The following UBAC2 variants were observed in gnomAD, a reference collection of about 807,000 sequenced individuals.
UBAC2 encodes the protein UBA domain containing 2.
A neutral mutation model predicts 44.0 loss-of-function variants in UBAC2; 26 were observed. The ratio of observed to expected loss-of-function variants is 0.59; its 90% CI spans 0.43 to 0.82. UBAC2 has a LOEUF of 0.82. Ranked by LOEUF, UBAC2 falls within the 40% of genes least tolerant of loss-of-function variation. The pLI is 0.00. For missense variants in UBAC2, 329 were observed against 419.4 expected (o/e 0.78, Z 1.88); for synonymous variants, 155 against 154.3 (o/e 1.00, Z -0.04).
At chr13:99,333,719 C>T (rs1263023310) in intron 6 of UBAC2, among the ~76,000 whole-genome samples, 1 of 152,102 alleles carries the variant, frequency 6.6e-6, no homozygotes, top group Non-Finnish European at 1.5e-5. Context: ...CAGAATGGTC[C>T]TGCTGAAATT....
chr13:99,383,400 T>G (rs2045576561), intron 8 of UBAC2, among the ~76,000 whole-genome samples: 1 of 152,164 alleles, frequency 6.6e-6, no homozygotes, highest in South Asian at 2.1e-4. Flanking sequence ...TGTTTTTTGT[T>G]TTTTGTTTTT....
intron 1 of UBAC2, chr13:99,201,361 C>A: frequency 6.4e-7 from 1 of 1,571,046 alleles, no homozygotes; most frequent in Non-Finnish European, 8.7e-7. Flanking sequence ...CCCGCCCCCA[C>A]TTGCAAAGTT....
At chr13:99,307,893 G>C (rs897523527) in intron 4 of UBAC2, 2 of 152,194 alleles carry the variant, frequency 1.3e-5, no homozygotes, top group Non-Finnish European at 2.9e-5. Context: ...AGGTTTCTGT[G>C]GCGTGGGGGT....
chr13:99,202,312 A>C (rs1420745638), intron 1 of UBAC2, among the ~76,000 whole-genome samples: 1 of 152,156 alleles, frequency 6.6e-6, no homozygotes, highest in African/African-American at 2.4e-5. Context: ...TGTTACAACT[A>C]CTAAGTAATC....
chr13:99,342,248 A>C (rs1428743545), intron 7 of UBAC2, among the ~76,000 whole-genome samples: 2 of 152,352 alleles, frequency 1.3e-5, no homozygotes, highest in East Asian at 3.9e-4. Flanking sequence ...GTTGTCCCAA[A>C]ATGGGGACCA....
At chr13:99,315,007 A>T (rs956416066) in intron 5 of UBAC2, among the ~76,000 whole-genome samples, 1 of 151,538 alleles carries the variant, frequency 6.6e-6, no homozygotes, top group Non-Finnish European at 1.5e-5. Context: ...TATCCCACGC[A>T]CTCTAACCGG....
chr13:99,286,197 A>G (rs1350748290), intron 4 of UBAC2, among the ~76,000 whole-genome samples: 1 of 152,234 alleles, frequency 6.6e-6, no homozygotes, highest in African/African-American at 2.4e-5. Context: ...GTTATCTATA[A>G]CTGAACCTTG....
At chr13:99,345,637 T>A (rs1653957473) in intron 7 of UBAC2, among the ~76,000 whole-genome samples, 1 of 151,986 alleles carries the variant, frequency 6.6e-6, no homozygotes, top group African/African-American at 2.4e-5. Context: ...AGACTGGACC[T>A]CCCTCTCTCC....
chr13:99,206,861 C>A (rs1433847810), intron 1 of UBAC2, among the ~76,000 whole-genome samples: 2 of 152,234 alleles, frequency 1.3e-5, no homozygotes, highest in Non-Finnish European at 2.9e-5. Flanking sequence ...TCCAAAAAAT[C>A]GGGGCCATCA....
chr13:99,362,837 G>A (rs2045283505), intron 7 of UBAC2, among the ~76,000 whole-genome samples: 1 of 152,092 alleles, frequency 6.6e-6, no homozygotes, highest in African/African-American at 2.4e-5. Flanking sequence ...TCAATCTGTA[G>A]TTTGTCTTAT....
intron 6 of UBAC2, 28 bp from the exon 7 acceptor site, chr13:99,340,292 A>G (rs757903372): frequency 3.5e-5 from 56 of 1,609,444 alleles, no homozygotes; most frequent in Non-Finnish European, 4.5e-5. Context: ...CTACATTTAA[A>G]CAATCACATT....
chr13:99,262,647 G>A (rs1393182099), intron 4 of UBAC2, among the ~76,000 whole-genome samples: 2 of 94,142 alleles, frequency 2.1e-5, no homozygotes, highest in East Asian at 5.1e-4. Context: ...AGGTTGCAGT[G>A]AGCCAAGAAT....
At chr13:99,377,853 G>A (rs931733944) in intron 8 of UBAC2, among the ~76,000 whole-genome samples, 2 of 152,130 alleles carry the variant, frequency 1.3e-5, no homozygotes, top group South Asian at 2.1e-4. Context: ...CCCAAACTGC[G>A]AGGAAACAGA....
At chr13:99,316,488 T>G (rs922829333) in intron 5 of UBAC2, among the ~76,000 whole-genome samples, 8 of 152,182 alleles carry the variant, frequency 5.3e-5, no homozygotes, top group Non-Finnish European at 1.0e-4. Context: ...AAGGCTCATT[T>G]AAGTATCCAA....
At chr13:99,213,852 C>T (rs892510158) in intron 1 of UBAC2, among the ~76,000 whole-genome samples, 1 of 152,024 alleles carries the variant, frequency 6.6e-6, no homozygotes, top group Non-Finnish European at 1.5e-5. Flanking sequence ...CAGAGTCTTG[C>T]TTTGTCGCTC....
chr13:99,385,583 C>T lies in UBAC2; in HGVS notation c.*248C>T. On this transcript the variant is annotated 3_prime_UTR_variant, in exon 9 of 9. Transcript: ENST00000403766. The stretch of plus-strand genomic sequence containing the variant: ...GGGCATTTTCCCTAGGTTGGAGAGT[C>T]AGCACTCGTTTTGAATGTGTTTAAA... 1 of 479,960 alleles carries T rather than the reference C, an allele frequency of 2.1e-6. No individual in the cohort carries two copies. The highest frequency in any genetic ancestry group is 3.8e-6 in the Non-Finnish European group (1 of 264,874). The allele number at this position is 479,960 out of a possible 1,614,324, so 29.7% of individuals were successfully genotyped here.
chr13:99,302,544 G>A (rs1025710580), intron 4 of UBAC2, among the ~76,000 whole-genome samples: 4 of 152,166 alleles, frequency 2.6e-5, no homozygotes, highest in African/African-American at 9.6e-5. Context: ...TTCAAACAGG[G>A]GCATCTAAAT....
chr13:99,310,468 C>T (rs918884214), intron 4 of UBAC2, among the ~76,000 whole-genome samples: 1 of 152,168 alleles, frequency 6.6e-6, no homozygotes, highest in Non-Finnish European at 1.5e-5. Flanking sequence ...AACTGAATTA[C>T]TGTTGACAGT....
At chr13:99,267,857 C>T (rs188393308) in intron 4 of UBAC2, among the ~76,000 whole-genome samples, 2 of 152,236 alleles carry the variant, frequency 1.3e-5, no homozygotes, top group Non-Finnish European at 2.9e-5. Flanking sequence ...TGTAACAAAC[C>T]GCTGACACAG....
Sources: allele counts gnomAD v4.1 joint callset (sites outside exome capture counted in the v4.1 genomes callset), GRCh38; gene constraint gnomAD v4.1.1; transcripts MANE v1.5; gene names NCBI Gene and HGNC (gene_info 2026-07-23, HGNC 2026-07-21).